The following NADK variants were observed in gnomAD, a reference collection of about 807,000 sequenced individuals.
NADK encodes poly(P)/ATP NAD kinase.
In NADK, 22 loss-of-function variants were observed where a neutral mutation model predicts 49.8. The observed-to-expected ratio is 0.44, with a 90% CI of 0.32 to 0.63. NADK has a LOEUF of 0.63. Among genes scored for constraint, NADK ranks in the 30% least tolerant of loss-of-function variants. The pLI, the probability that NADK is intolerant of heterozygous loss-of-function variation, is 0.06. For missense variants in NADK, 438 were observed against 609.4 expected, an observed-to-expected ratio of 0.72 and a Z score of 2.96; for synonymous variants, 268 against 253.7, an observed-to-expected ratio of 1.06 and a Z score of -0.54.
rs775913552 is a variant in NADK, at chr1:1,758,374, G to A, written c.264-1064C>T. 3 of 1,609,974 alleles carry A rather than the reference G, an allele frequency of 1.9e-6. No individual in the cohort carries two copies. In the Admixed American group the frequency reaches 5.0e-5, roughly 27 times the overall value. Reference sequence around the variant, plus strand: ...GCTGGTCAGCACTCACCCTGTGCAGGCATTACTGGGAGGCGTGGGGTCACT... The same window carrying A: ...GCTGGTCAGCACTCACCCTGTGCAGACATTACTGGGAGGCGTGGGGTCACT... On this transcript the variant is annotated intron_variant, in intron 3 of 11. Transcript: ENST00000341426.
chr1:1,766,031 G>A (rs1479253614), intron 1 of NADK, among the ~76,000 whole-genome samples: 2 of 152,066 alleles, frequency 1.3e-5, no homozygotes, highest in Non-Finnish European at 2.9e-5. Context: ...ACTTTGGGAG[G>A]CTGGAGAGAA....
chr1:1,762,769 A>C (rs1645767500), intron 2 of NADK, among the ~76,000 whole-genome samples: 2 of 151,492 alleles, frequency 1.3e-5, no homozygotes, highest in South Asian at 4.1e-4. Context: ...AAATGAATGA[A>C]TGAATGAATG....
At chr1:1,778,479 GCACCCGCCA>G (rs1208851819), upstream of NADK, 1 of 148,262 alleles carries the variant, frequency 6.7e-6, no homozygotes, top group Non-Finnish European at 1.5e-5. The surrounding 1 kb of genome is among the most constrained non-coding windows in gnomAD (Gnocchi z 4.9). Context: ...CTGCGCAGGC[GCACCCGCCA>G]CGCATGCGCG....
chr1:1,775,291 G>A (rs1469767480), intron 1 of NADK, among the ~76,000 whole-genome samples: 1 of 152,056 alleles, frequency 6.6e-6, no homozygotes, highest in African/African-American at 2.4e-5. Flanking sequence ...CATAATACAC[G>A]AGTTCGTTCC....
chr1:1,774,682 A>AT (rs1314045379), intron 1 of NADK, among the ~76,000 whole-genome samples: 2 of 152,016 alleles, frequency 1.3e-5, no homozygotes, highest in African/African-American at 4.8e-5. Context: ...TCACCACTGT[A>AT]TTTTTTGACA....
chr1:1,767,038 C>T lies in NADK; in HGVS notation c.-40-1592G>A, dbSNP rs1421050406. On this transcript the variant is annotated intron_variant, in intron 1 of 11. Transcript: ENST00000341426. ...CAAGTGATTTTCCTGCTTCAGCCTC[C>T]CTAGCAGCTGGGACTACAGGCGTGC... is the stretch of plus-strand genomic sequence containing the variant. Among the ~76,000 whole-genome samples the T allele has an allele frequency of 2.6e-5, 4 of 152,266 alleles. No individual in the cohort carries two copies. In the East Asian group the frequency reaches 7.7e-4, roughly 29 times the overall value.
chr1:1,754,830 TTTTTA>T lies in NADK; in HGVS notation c.689-137_689-133del. The T allele has an allele frequency of 6.9e-6, 6 of 865,732 alleles. No homozygotes were observed. Among genetic ancestry groups the T allele is most frequent in the Non-Finnish European group, 7.0e-6 (4 of 574,792 alleles). The allele number at this position is 865,732 out of a possible 1,614,324, so 53.6% of individuals were successfully genotyped here. The stretch of plus-strand genomic sequence containing the variant: ...GTTGACACACTTCTGTGCCTTTTTC[TTTTTA>T]TTTTGAGATGGAGTCTCACTCTGTC... On this transcript the variant is annotated intron_variant, in intron 7 of 11. Transcript: ENST00000341426. This position sits in a 1 kb window ranked among gnomAD's most constrained non-coding sequence, Gnocchi z 4.3.
intron 3 of NADK, among the ~76,000 whole-genome samples, chr1:1,760,116 C>T (rs569492317): frequency 8.1e-4 from 123 of 152,264 alleles, no homozygotes; most frequent in Non-Finnish European, 1.4e-3. Flanking sequence ...GGAGGGCAGC[C>T]GGGCAATAGT....
At chr1:1,768,624 C>G (rs1316095361) in intron 1 of NADK, among the ~76,000 whole-genome samples, 1 of 152,142 alleles carries the variant, frequency 6.6e-6, no homozygotes, top group East Asian at 1.9e-4. Flanking sequence ...AAAAGTAAAG[C>G]CATGTGGGGA....
At chr1:1,755,003 G>A in intron 7 of NADK, 1 of 396,808 alleles carries the variant, frequency 2.5e-6, no homozygotes, top group South Asian at 3.0e-5. Context: ...TGTATTTTTA[G>A]TAGAGACGGG....
At chr1:1,761,312 G>C (rs1295009097) in intron 3 of NADK, among the ~76,000 whole-genome samples, 1 of 152,074 alleles carries the variant, frequency 6.6e-6, no homozygotes, top group Non-Finnish European at 1.5e-5. Flanking sequence ...TTTTTGTAGG[G>C]ATGGGCTTTC....
intron 5 of NADK, 65 bp from the exon 6 acceptor site, chr1:1,756,408 G>T: frequency 1.2e-6 from 2 of 1,605,650 alleles, no homozygotes; most frequent in Non-Finnish European, 1.7e-6. Flanking sequence ...GGCGCAGTGC[G>T]CAGACACCAA....
intron 2 of NADK, among the ~76,000 whole-genome samples, chr1:1,763,108 G>A (rs934320835): frequency 2.4e-4 from 37 of 152,268 alleles, no homozygotes; most frequent in African/African-American, 7.5e-4. Flanking sequence ...CAGGAGAGCC[G>A]TGGTGCCCTG....
chr1:1,758,331 C>T (rs752348442), intron 3 of NADK: 21 of 1,584,166 alleles, frequency 1.3e-5, no homozygotes, highest in Middle Eastern at 4.5e-4. Context: ...CTTAGCCCAT[C>T]GCTTGTGACC....
chr1:1,776,772 TA>T (rs33953907), intron 1 of NADK, among the ~76,000 whole-genome samples: 23,781 of 117,024 alleles, frequency 0.2, 2,393 homozygotes, highest in Middle Eastern at 0.39. Flanking sequence ...GACTCTGTCT[TA>T]AAAAAAAAAA....
chr1:1,756,425 G>C (rs1570512385), intron 5 of NADK, 78 bp downstream of exon 5: 31 of 1,609,610 alleles, frequency 1.9e-5, no homozygotes, highest in Non-Finnish European at 2.6e-5. Flanking sequence ...CCAATGACAA[G>C]GGCAACAGTG....
rs1645455387 is a variant in NADK at position 1,754,735 on chromosome 1, G to A, written c.689-37C>T. 6.4e-7 allele frequency: 1 copy of A among 1,571,284 alleles called. No individual in the cohort carries two copies. ...CAGGAGTCAGAGGGCATGCATCAGG[G>A]AAGTCAGTGGGGTCAGGGGCCCCAC... On this transcript the variant is annotated intron_variant, in intron 7 of 11. Coordinates refer to ENST00000341426, the MANE Select transcript of NADK (RefSeq NM_023018.5). This position sits in a 1 kb window ranked among gnomAD's most constrained non-coding sequence, Gnocchi z 4.3.
chr1:1,758,694 T>G, intron 3 of NADK: 1 of 1,389,040 alleles, frequency 7.2e-7, no homozygotes, highest in Non-Finnish European at 9.3e-7. Flanking sequence ...CAAAACAGTT[T>G]CCTCATTGGT....
intron 1 of NADK, among the ~76,000 whole-genome samples, chr1:1,776,375 C>A (rs971990187): frequency 3.3e-5 from 5 of 152,156 alleles, no homozygotes; most frequent in African/African-American, 1.2e-4. Context: ...CTGCTGACAG[C>A]AGTTGTTTCA....
Sources: gnomAD v4.1 joint callset for allele counts (sites outside exome capture counted in the v4.1 genomes callset) on GRCh38, gnomAD v4.1.1 for gene constraint, Gnocchi (gnomAD v3.1) non-coding constraint, MANE v1.5 for transcripts, NCBI Gene and HGNC (gene_info 2026-07-23, HGNC 2026-07-21) for gene names.